The following WDTC1 variants were observed in gnomAD, a reference collection of about 807,000 sequenced individuals.
The protein encoded by WDTC1 is WD and tetratricopeptide repeats protein 1.
Under a neutral mutation model 76.0 loss-of-function variants are expected in WDTC1, and 12 were observed. That is an observed-to-expected ratio of 0.16 (90% CI 0.10 to 0.26). The LOEUF is 0.26. WDTC1 is among the 10% of genes least tolerant of loss of function. The pLI is 1.00. For missense variants in WDTC1, 511 were observed against 908.8 expected (o/e 0.56, Z 5.63); for synonymous variants, 326 against 350.8 (o/e 0.93, Z 0.79).
At chr1:27,277,738 T>C (rs1007952137) in intron 3 of WDTC1, among the ~76,000 whole-genome samples, 1 of 152,242 alleles carries the variant, frequency 6.6e-6, no homozygotes, top group Non-Finnish European at 1.5e-5. Context: ...TGTAGTAAGT[T>C]ATAAAATTGG....
intron 1 of WDTC1, among the ~76,000 whole-genome samples, chr1:27,236,796 T>G (rs2011498293): frequency 6.6e-6 from 1 of 152,110 alleles, no homozygotes; most frequent in Non-Finnish European, 1.5e-5. Context: ...TATGACTTGG[T>G]CTTTAATTAT....
In WDTC1 at chr1:27,301,564, A is replaced by C. The variant is rs184274184; in HGVS notation, c.1468+103A>C. The C allele has an allele frequency of 5.6e-5, 74 of 1,310,630 alleles. 1 individual carries two copies. In the Admixed American group the frequency reaches 1.5e-3, roughly 26 times the overall value. 81.2% of individuals were successfully genotyped at this position (1,310,630 alleles called of 1,614,324 possible). The stretch of plus-strand genomic sequence containing the variant: ...TCTGGGATTGGAGAGGCCTGGGTTC[A>C]GATGTTGATTCAGAAACCATGCAAC... On this transcript the variant is annotated intron_variant, in intron 13 of 15. Transcript: ENST00000319394. This position sits in a 1 kb window ranked among gnomAD's most constrained non-coding sequence, Gnocchi z 5.8.
intron 1 of WDTC1, among the ~76,000 whole-genome samples, chr1:27,242,895 C>A (rs528248272): frequency 6.6e-6 from 1 of 152,302 alleles, no homozygotes; most frequent in South Asian, 2.1e-4. Context: ...CTCTCTTCTG[C>A]AGAGAAAACC....
intron 6 of WDTC1, among the ~76,000 whole-genome samples, chr1:27,288,491 C>G (rs1366256908): frequency 6.6e-6 from 1 of 151,848 alleles, no homozygotes; most frequent in Non-Finnish European, 1.5e-5. Context: ...GGCAGAGGAC[C>G]CTGCGGCCCT....
At chr1:27,242,735 C>T (rs999617243) in intron 1 of WDTC1, among the ~76,000 whole-genome samples, 4 of 152,140 alleles carry the variant, frequency 2.6e-5, no homozygotes, top group Admixed American at 2.0e-4. Context: ...TCCCAAAGTG[C>T]TGGGATTACA....
chr1:27,253,360 T>C (rs1486401135), intron 1 of WDTC1, among the ~76,000 whole-genome samples: 8 of 148,320 alleles, frequency 5.4e-5, no homozygotes, highest in South Asian at 2.2e-4. Flanking sequence ...CTTTCTTCTT[T>C]CTTCTTCTTC....
chr1:27,237,722 G>A (rs7531474), intron 1 of WDTC1, among the ~76,000 whole-genome samples: 28,298 of 151,804 alleles, frequency 0.19, 3,562 homozygotes, highest in Non-Finnish European at 0.28. Context: ...ATGGTGGCAC[G>A]CGCCTGTAGT....
At position 27,297,128 on chromosome 1, in the gene WDTC1, C is replaced by T. The variant is rs777597808; in HGVS notation, c.1030C>T (p.Arg344Trp). The change falls in exon 11 of 16, where the codon CGG (arginine) becomes TGG (tryptophan). Residue 344 changes from arginine to tryptophan, a missense_variant. Arg to Trp is a moderately radical substitution (Grantham distance 101, BLOSUM62 -3). Transcript: ENST00000319394. The part of the protein sequence containing the change: ...NGLHLHSNGF[R>W]LPESRGHVSP... ...CCTGCACCTTCATAGCAATGGCTTCCGGCTGCCGGAGAGTAGGGGACATGT... is the reference window on the plus strand; with the variant it reads ...CCTGCACCTTCATAGCAATGGCTTCTGGCTGCCGGAGAGTAGGGGACATGT... 4.2e-5 allele frequency: 67 copies of T among 1,612,730 alleles called. No homozygotes were observed. The highest frequency in any genetic ancestry group is 1.6e-4 in the Middle Eastern group (1 of 6,080).
intron 1 of WDTC1, among the ~76,000 whole-genome samples, chr1:27,236,063 G>T (rs1023657946): frequency 1.5e-4 from 23 of 152,210 alleles, no homozygotes; most frequent in African/African-American, 5.3e-4. Context: ...GGTATGCCCA[G>T]TGGTCCCTAC....
At chr1:27,243,934 T>TG (rs1166490246) in intron 1 of WDTC1, among the ~76,000 whole-genome samples, 1 of 139,334 alleles carries the variant, frequency 7.2e-6, no homozygotes. Flanking sequence ...GAGACCAGCC[T>TG]GGGCAGCATG....
At chr1:27,292,481 C>T in intron 7 of WDTC1, 84 bp downstream of exon 7, 1 of 1,322,240 alleles carries the variant, frequency 7.6e-7, no homozygotes, top group Non-Finnish European at 1.0e-6. Context: ...ATTGCCATGC[C>T]CTCTTCTTCT....
chr1:27,285,377 A>G (rs749475789), intron 5 of WDTC1, among the ~76,000 whole-genome samples: 17 of 152,080 alleles, frequency 1.1e-4, no homozygotes, highest in Non-Finnish European at 2.2e-4. Context: ...CTATGTGGAA[A>G]GAGTGAATTG....
At chr1:27,284,139 G>A (rs1219578055) in intron 5 of WDTC1, among the ~76,000 whole-genome samples, 1 of 152,206 alleles carries the variant, frequency 6.6e-6, no homozygotes, top group African/African-American at 2.4e-5. Flanking sequence ...ACTAGTGGCT[G>A]TAAGTCCACA....
At chr1:27,263,033 T>C (rs748744013) in intron 2 of WDTC1, 119 bp from the exon 3 acceptor site, 3 of 979,008 alleles carry the variant, frequency 3.1e-6, no homozygotes, top group African/African-American at 1.6e-5. Flanking sequence ...TGTAGGCCAG[T>C]TCCTTGTTGT....
At chr1:27,253,820 G>T (rs1215256137) in intron 1 of WDTC1, among the ~76,000 whole-genome samples, 3 of 152,114 alleles carry the variant, frequency 2.0e-5, no homozygotes, top group Non-Finnish European at 4.4e-5. Flanking sequence ...CTTTTCTAGT[G>T]TTTAATCATA....
chr1:27,234,485 G>A, upstream of WDTC1: 1 of 317,478 alleles, frequency 3.1e-6, no homozygotes, highest in Non-Finnish European at 5.8e-6. Flanking sequence ...GGGCGCCGCC[G>A]GCAGCAGACG....
rs138646253 is a variant in WDTC1, at chr1:27,306,339, G to A, written c.1990G>A (p.Asp664Asn). 6 of 1,613,636 alleles carry A rather than the reference G, an allele frequency of 3.7e-6. No homozygotes were observed. Among genetic ancestry groups the A allele is most frequent in the Non-Finnish European group, 5.1e-6 (6 of 1,180,004 alleles). Residue 664 changes from aspartate to asparagine, a missense_variant, in exon 16 of 16, where the codon GAT becomes AAT. Asp to Asn is a conservative substitution (Grantham distance 23). Transcript: ENST00000319394. The surrounding 1 kb of genome is among the most constrained non-coding windows in gnomAD (Gnocchi z 5.0). The part of the protein sequence containing the change: ...LSSGGAGASD[D>N]EDSSEGQVQC... ...CAGTGGGGGTGCCGGGGCCTCTGATGATGAGGACAGCTCTGAGGGCCAGGT... is the reference window on the plus strand; with the variant it reads ...CAGTGGGGGTGCCGGGGCCTCTGATAATGAGGACAGCTCTGAGGGCCAGGT...
intron 3 of WDTC1, among the ~76,000 whole-genome samples, chr1:27,268,920 G>A (rs1336284828): frequency 2.0e-5 from 3 of 149,750 alleles, no homozygotes; most frequent in Admixed American, 6.6e-5. Flanking sequence ...TCACTATGTT[G>A]GCCAGGCTGG....
In WDTC1 at chr1:27,282,321, G is replaced by A. The variant is rs766571880; in HGVS notation, c.179+36G>A. On this transcript the variant is annotated intron_variant, in intron 4 of 15. Transcript: ENST00000319394. ...GCTAGAGCACCTGAAGGGTGCTGGG[G>A]AAGGAAGTAAGGAGGGTGGAACAGC... 11 of 1,609,914 alleles carry A rather than the reference G, an allele frequency of 6.8e-6. No individual in the cohort carries two copies. In the South Asian group the frequency reaches 1.1e-4, roughly 16 times the overall value.
Sources: allele counts gnomAD v4.1 joint callset (sites outside exome capture counted in the v4.1 genomes callset), GRCh38; gene constraint gnomAD v4.1.1; non-coding constraint Gnocchi (gnomAD v3.1); transcripts MANE v1.5; gene names NCBI Gene and HGNC (gene_info 2026-07-23, HGNC 2026-07-21).